BMPR1B: variants seen among roughly 807,000 people sequenced by gnomAD.
The protein encoded by BMPR1B is bone morphogenetic protein receptor type 1B, also known as bone morphogenetic protein receptor type-1B.
A neutral mutation model predicts 59.1 loss-of-function variants in BMPR1B; 12 were observed. The observed-to-expected ratio is 0.20, with a 90% CI of 0.13 to 0.33. BMPR1B has a LOEUF of 0.33. BMPR1B is among the 10% of genes least tolerant of loss of function. BMPR1B has a pLI of 1.00. For synonymous variants in BMPR1B, 237 were observed against 207.3 expected (o/e 1.14, Z -1.23); for missense variants, 550 against 610.9 (o/e 0.90, Z 1.05).
At chr4:95,058,668 C>T (rs899430429) in intron 3 of BMPR1B, among the ~76,000 whole-genome samples, 1 of 152,108 alleles carries the variant, frequency 6.6e-6, no homozygotes, top group East Asian at 1.9e-4. Context: ...GTTTTGGAAA[C>T]GCCACATGAA....
chr4:95,001,948 A>G (rs1196442975), intron 3 of BMPR1B, among the ~76,000 whole-genome samples: 1 of 152,142 alleles, frequency 6.6e-6, no homozygotes, highest in Non-Finnish European at 1.5e-5. Flanking sequence ...GTATACTTAG[A>G]TGAAAGAGGT....
intron 3 of BMPR1B, among the ~76,000 whole-genome samples, chr4:95,004,900 A>G (rs933587510): frequency 6.6e-6 from 1 of 152,202 alleles, no homozygotes; most frequent in South Asian, 2.1e-4. Flanking sequence ...TTTGTTTTAA[A>G]TAAGCCAAGA....
chr4:95,093,601 G>GT (rs1316796828), intron 3 of BMPR1B, among the ~76,000 whole-genome samples: 1 of 151,726 alleles, frequency 6.6e-6, no homozygotes, highest in Non-Finnish European at 1.5e-5. Context: ...CTCTTCTTAT[G>GT]TTTTTTTATG....
chr4:94,876,418 G>A (rs1031423759), intron 2 of BMPR1B, among the ~76,000 whole-genome samples: 4 of 152,166 alleles, frequency 2.6e-5, no homozygotes, highest in Non-Finnish European at 4.4e-5. Context: ...ATTAGTGAAC[G>A]TTAACTTGGA....
chr4:95,124,837 A>G, intron 7 of BMPR1B, 146 bp from the exon 8 acceptor site: 4 of 754,394 alleles, frequency 5.3e-6, no homozygotes, highest in Non-Finnish European at 6.4e-6. Context: ...TTGGGAAACC[A>G]TAACTAAGAG....
chr4:94,881,428 G>C (rs1300146552), intron 2 of BMPR1B, among the ~76,000 whole-genome samples: 2 of 152,064 alleles, frequency 1.3e-5, no homozygotes. Context: ...TTGGCAACGA[G>C]AGGAGCTGGG....
chr4:95,129,764 AT>A, intron 8 of BMPR1B, 97 bp from the exon 9 acceptor site: 1 of 1,188,790 alleles, frequency 8.4e-7, no homozygotes, highest in South Asian at 1.3e-5. Flanking sequence ...AGCTAAATAT[AT>A]TTTACATGCA....
At chr4:94,870,846 A>T (rs1157110532) in intron 1 of BMPR1B, among the ~76,000 whole-genome samples, 2 of 152,200 alleles carry the variant, frequency 1.3e-5, no homozygotes, top group African/African-American at 4.8e-5. Context: ...AGTTTCCCAC[A>T]TTAACGTTGG....
At chr4:94,959,428 A>C (rs768632026) in intron 2 of BMPR1B, among the ~76,000 whole-genome samples, 6 of 151,874 alleles carry the variant, frequency 4.0e-5, no homozygotes, top group Non-Finnish European at 7.4e-5. Context: ...GTAAAGTAAG[A>C]CCCCTTCTCC....
In BMPR1B at chr4:94,808,518, A is replaced by T. The variant is rs2865374; in HGVS notation, c.-183+50450A>T. Among the ~76,000 whole-genome samples the T allele has an allele frequency of 6.0e-4, 92 of 152,292 alleles. 1 individual carries two copies. In the South Asian group the frequency reaches 0.017, roughly 28 times the overall value. On this transcript the variant is annotated intron_variant, in intron 1 of 12. Transcript: ENST00000515059. ...TTTTATTTGAAGTAATACTGAAATG[A>T]GCAATTTTGGTCATACAGCTTTTTG...
chr4:95,082,138 C>G (rs1253953287), intron 3 of BMPR1B, among the ~76,000 whole-genome samples: 1 of 115,878 alleles, frequency 8.6e-6, no homozygotes, highest in Non-Finnish European at 1.7e-5. Flanking sequence ...CCCCCCTCCC[C>G]CCACCCCACA....
intron 2 of BMPR1B, among the ~76,000 whole-genome samples, chr4:94,905,801 C>G (rs1345473358): frequency 1.3e-5 from 2 of 151,814 alleles, no homozygotes; most frequent in Admixed American, 6.6e-5. Flanking sequence ...ATCCCTGTCT[C>G]TCTGATTTTC....
chr4:95,048,137 A>G (rs1578988962), intron 3 of BMPR1B, among the ~76,000 whole-genome samples: 1 of 152,160 alleles, frequency 6.6e-6, no homozygotes, highest in Admixed American at 6.5e-5. Flanking sequence ...ATTCTTTTTT[A>G]TTACACTGTA....
At chr4:94,784,120 T>C (rs1722679463) in intron 1 of BMPR1B, among the ~76,000 whole-genome samples, 1 of 152,188 alleles carries the variant, frequency 6.6e-6, no homozygotes, top group Admixed American at 6.5e-5. Context: ...GTTTTCTTAG[T>C]TTTTTAATTT....
chr4:94,905,649 T>G (rs1728008409), intron 2 of BMPR1B, among the ~76,000 whole-genome samples: 1 of 152,012 alleles, frequency 6.6e-6, no homozygotes, highest in African/African-American at 2.4e-5. Context: ...TGGGATTTTG[T>G]TGCACGTTCT....
At chr4:95,055,367 A>G (rs1025872389) in intron 3 of BMPR1B, among the ~76,000 whole-genome samples, 1 of 152,198 alleles carries the variant, frequency 6.6e-6, no homozygotes, top group African/African-American at 2.4e-5. Flanking sequence ...TAGTTTCACA[A>G]TTAGAATGAT....
intron 2 of BMPR1B, among the ~76,000 whole-genome samples, chr4:94,936,776 C>T (rs1354618737): frequency 6.6e-6 from 1 of 152,038 alleles, no homozygotes; most frequent in South Asian, 2.1e-4. Flanking sequence ...CTTCCCTTGG[C>T]TCTCTTCTCT....
At chr4:94,930,977 G>C (rs1553919315) in intron 2 of BMPR1B, among the ~76,000 whole-genome samples, 1 of 151,992 alleles carries the variant, frequency 6.6e-6, no homozygotes, top group Non-Finnish European at 1.5e-5. Flanking sequence ...AATAAGGCAG[G>C]ATATATTAAG....
chr4:94,761,447 G>GTA (rs61160492), intron 1 of BMPR1B, among the ~76,000 whole-genome samples: 10,669 of 149,632 alleles, frequency 0.071, 437 homozygotes, highest in African/African-American at 0.11. Context: ...GTGTGTGTGT[G>GTA]TGTGTGTGTG....
Sources: gnomAD v4.1 joint callset for allele counts (sites outside exome capture counted in the v4.1 genomes callset) on GRCh38, gnomAD v4.1.1 for gene constraint, MANE v1.5 for transcripts, NCBI Gene and HGNC (gene_info 2026-07-23, HGNC 2026-07-21) for gene names.